The following TGM7 variants were observed in gnomAD, a reference collection of about 807,000 sequenced individuals.
The protein encoded by TGM7 is transglutaminase 7, also known as protein-glutamine gamma-glutamyltransferase Z.
In TGM7, 74 loss-of-function variants were observed where a neutral mutation model predicts 79.5. That is an observed-to-expected ratio of 0.93 (90% CI 0.77 to 1.13). TGM7 has a LOEUF of 1.13. Among genes scored for constraint, TGM7 ranks in the 50% most tolerant of loss-of-function variants. TGM7 has a pLI of 0.00. For missense variants in TGM7, 912 were observed against 905.9 expected, an observed-to-expected ratio of 1.01 and a Z score of -0.09; for synonymous variants, 354 against 362.5, an observed-to-expected ratio of 0.98 and a Z score of 0.27.
intron 2 of TGM7, 128 bp downstream of exon 2, chr15:43,293,321 G>T: frequency 8.1e-7 from 1 of 1,237,978 alleles, no homozygotes; most frequent in East Asian, 2.3e-5. Flanking sequence ...AGCATGAGGG[G>T]TCTGGGGCTC....
At chr15:43,298,484 C>T (rs935857678) in intron 1 of TGM7, among the ~76,000 whole-genome samples, 20 of 152,284 alleles carry the variant, frequency 1.3e-4, no homozygotes, top group Admixed American at 2.6e-4. Flanking sequence ...CGGCCAGGCG[C>T]GGTGGCTCAC....
intron 6 of TGM7, among the ~76,000 whole-genome samples, chr15:43,286,092 T>C (rs865805026): frequency 6.6e-6 from 1 of 152,214 alleles, no homozygotes; most frequent in African/African-American, 2.4e-5. Context: ...TCCTTTTGTT[T>C]TGGTTCACTG....
chr15:43,293,615 A>C lies in TGM7; in HGVS notation c.27T>G (p.Leu9=), dbSNP rs1206785742. Residue 9 remains leucine (L), a synonymous_variant, in exon 2 of 13, where the codon CTT becomes CTG. Coordinates refer to ENST00000452443, the MANE Select transcript of TGM7 (RefSeq NM_052955.3). MDQVATLR[L]ESVDLQSSRN... ...TGGAGCTCTGCAGGTCGACAGACTCAAGCCGCAAGGTTGCCACTAGGGGAG... is the reference window on the plus strand; with the variant it reads ...TGGAGCTCTGCAGGTCGACAGACTCCAGCCGCAAGGTTGCCACTAGGGGAG... 4 of 1,606,252 alleles carry C rather than the reference A, an allele frequency of 2.5e-6. No individual in the cohort carries two copies. Among genetic ancestry groups the C allele is most frequent in the African/African-American group, 2.7e-5 (2 of 73,806 alleles).
Position 43,291,973 on chromosome 15 carries a change from T to G in TGM7, c.558+6A>C. 6.2e-7 allele frequency: 1 copy of G among 1,609,788 alleles called. No homozygotes were observed. Among genetic ancestry groups the G allele is most frequent in the Non-Finnish European group, 8.5e-7 (1 of 1,176,196 alleles). On this transcript the variant is annotated splice_donor_region_variant and intron_variant, in intron 4 of 12. Coordinates refer to ENST00000452443, the MANE Select transcript of TGM7 (RefSeq NM_052955.3). The stretch of plus-strand genomic sequence containing the variant: ...ACCCCAGGCCCACATTGGGTAATAG[T>G]GTTACCTGCCCGTAGTTCCAGGGCC...
chr15:43,280,070 G>T, intron 9 of TGM7, 119 bp from the exon 10 acceptor site: 1 of 843,676 alleles, frequency 1.2e-6, no homozygotes, highest in Non-Finnish European at 1.9e-6. Flanking sequence ...CTCAGGTGCT[G>T]CTTGCTGGGT....
chr15:43,281,478 A>G (rs898181171), intron 9 of TGM7, among the ~76,000 whole-genome samples: 11 of 152,254 alleles, frequency 7.2e-5, no homozygotes, highest in African/African-American at 2.4e-4. Context: ...TTAGTATAGT[A>G]CATCCCATGC....
chr15:43,292,592 A>G (rs1290216848), intron 3 of TGM7, 117 bp downstream of exon 3: 8 of 1,269,834 alleles, frequency 6.3e-6, no homozygotes, highest in Non-Finnish European at 8.8e-6. Flanking sequence ...TTGTGAGAGC[A>G]CACGCTACTA....
intron 4 of TGM7, among the ~76,000 whole-genome samples, chr15:43,288,458 C>T (rs1241781945): frequency 6.6e-6 from 1 of 151,682 alleles, no homozygotes; most frequent in Non-Finnish European, 1.5e-5. Context: ...CCCCTCTCTA[C>T]GTTGACTGGA....
intron 10 of TGM7, among the ~76,000 whole-genome samples, 165 bp downstream of exon 10, chr15:43,279,460 G>A (rs1432404434): frequency 6.6e-6 from 1 of 152,226 alleles, no homozygotes; most frequent in African/African-American, 2.4e-5. Flanking sequence ...GTCTCGCCTG[G>A]TGGGGTGGCA....
At chr15:43,276,833 A>C (rs765014480) in intron 12 of TGM7, 29 bp downstream of exon 12, 1 of 1,610,148 alleles carries the variant, frequency 6.2e-7, no homozygotes, top group Non-Finnish European at 8.5e-7. Flanking sequence ...GAGACCAGCA[A>C]GGGGGAGGTG....
chr15:43,292,207 G>A (rs571604013), intron 3 of TGM7, 110 bp from the exon 4 acceptor site: 31 of 721,978 alleles, frequency 4.3e-5, no homozygotes, highest in Admixed American at 1.9e-4. Flanking sequence ...AGGAACAGTC[G>A]ATGGGTTGAT....
chr15:43,286,209 G>A (rs2042935063), intron 6 of TGM7, among the ~76,000 whole-genome samples: 1 of 152,178 alleles, frequency 6.6e-6, no homozygotes, highest in Admixed American at 6.5e-5. Flanking sequence ...ACCTGGGCTG[G>A]AAGTGGCCAT....
chr15:43,281,029 C>T (rs2042905413), intron 9 of TGM7, among the ~76,000 whole-genome samples: 1 of 152,196 alleles, frequency 6.6e-6, no homozygotes, highest in Non-Finnish European at 1.5e-5. Context: ...TCAGTTATGC[C>T]TAATCATAAG....
In TGM7 at chr15:43,291,970, T is replaced by A. The variant is rs1425791769; in HGVS notation, c.558+9A>T. ...CCCACCCCAGGCCCACATTGGGTAATAGTGTTACCTGCCCGTAGTTCCAGG... is the reference window on the plus strand; with the variant it reads ...CCCACCCCAGGCCCACATTGGGTAAAAGTGTTACCTGCCCGTAGTTCCAGG... On this transcript the variant is annotated intron_variant, in intron 4 of 12. Coordinates refer to ENST00000452443, the MANE Select transcript of TGM7 (RefSeq NM_052955.3). 6.2e-7 allele frequency: 1 copy of A among 1,606,886 alleles called. No homozygotes were observed. Among genetic ancestry groups the A allele is most frequent in the South Asian group, 1.1e-5 (1 of 90,938 alleles).
chr15:43,282,124 G>C (rs777491070), intron 8 of TGM7, 38 bp from the exon 9 acceptor site: 2 of 1,606,172 alleles, frequency 1.2e-6, no homozygotes, highest in South Asian at 2.2e-5. Flanking sequence ...GGGGCCAGGG[G>C]CAGCTGGTTG....
At chr15:43,299,347 G>A (rs954005727) in intron 1 of TGM7, among the ~76,000 whole-genome samples, 3 of 152,180 alleles carry the variant, frequency 2.0e-5, no homozygotes, top group Admixed American at 2.0e-4. Flanking sequence ...CTAAGCCAAA[G>A]GCTCATGAGG....
In TGM7 at chr15:43,289,988, T is replaced by C. The variant is rs182171552; in HGVS notation, c.558+1991A>G. Among the ~76,000 whole-genome samples, 567 of 152,302 alleles carry C rather than the reference T, an allele frequency of 3.7e-3. 3 individuals are homozygous for C. Among genetic ancestry groups the C allele is most frequent in the African/African-American group, 0.013 (537 of 41,554 alleles). ...AGCCCTTTATCAGATGAGTAGGTTG[T>C]GAAAATTTTCTCCCATTCTGTAGGT... On this transcript the variant is annotated intron_variant, in intron 4 of 12. Transcript: ENST00000452443.
At chr15:43,292,537 G>T (rs2042968622) in intron 3 of TGM7, among the ~76,000 whole-genome samples, 172 bp downstream of exon 3, 1 of 152,226 alleles carries the variant, frequency 6.6e-6, no homozygotes, top group African/African-American at 2.4e-5. Context: ...ATCACGTCAT[G>T]AATACTTTCC....
intron 4 of TGM7, among the ~76,000 whole-genome samples, chr15:43,291,531 C>T (rs532917311): frequency 6.6e-6 from 1 of 152,304 alleles, no homozygotes; most frequent in African/African-American, 2.4e-5. Context: ...TTTCACATCA[C>T]AAAATATTAT....
Sources: allele counts gnomAD v4.1 joint callset (sites outside exome capture counted in the v4.1 genomes callset), GRCh38; gene constraint gnomAD v4.1.1; transcripts MANE v1.5; gene names NCBI Gene and HGNC (gene_info 2026-07-23, HGNC 2026-07-21).